HSPBP1: variants seen among roughly 807,000 people sequenced by gnomAD.
HSPBP1 encodes HSPA (Hsp70) binding protein 1.
Under a neutral mutation model 41.7 loss-of-function variants are expected in HSPBP1, and 31 were observed. The ratio of observed to expected loss-of-function variants is 0.74; its 90% confidence interval spans 0.56 to 1.00. HSPBP1 has a LOEUF of 1.00. Among genes scored for constraint, HSPBP1 ranks in the 50% least tolerant of loss-of-function variants. The pLI is 0.00. For missense variants in HSPBP1, 439 were observed against 487.9 expected (o/e 0.90, Z 0.94); for synonymous variants, 199 against 214.4 (o/e 0.93, Z 0.63).
chr19:55,271,359 C>A (rs2087919815), intron 4 of HSPBP1, among the ~76,000 whole-genome samples: 1 of 152,042 alleles, frequency 6.6e-6, no homozygotes, highest in Non-Finnish European at 1.5e-5. Flanking sequence ...CAGGTGTGAA[C>A]CACCAAGATG....
Position 55,266,147 on chromosome 19 carries a change from G to T in HSPBP1, c.780C>A (p.Gly260=). The T allele has an allele frequency of 6.2e-7, 1 of 1,600,514 alleles. No individual in the cohort carries two copies. Among genetic ancestry groups the T allele is most frequent in the Non-Finnish European group, 8.5e-7 (1 of 1,173,908 alleles). The change falls in exon 5 of 8, where the codon GGC becomes GGA. Residue 260 remains glycine, a synonymous_variant. Coordinates refer to ENST00000433386, the MANE Select transcript of HSPBP1 (RefSeq NM_012267.5). ...CTGCCACACCTTTGTGTTCAGGGTG[G>T]CCCACCAGCAGGTTCTGCAGCAGGA... is the stretch of plus-strand genomic sequence containing the variant. ...SAFLLQNLLV[G]HPEHKGTLCS...
chr19:55,266,405 A>G, intron 4 of HSPBP1, 119 bp from the exon 5 acceptor site: 2 of 992,954 alleles, frequency 2.0e-6, no homozygotes, highest in South Asian at 3.2e-5. Context: ...CACCATCACC[A>G]CTATCTTCAC....
chr19:55,263,085 G>A (rs1218848506), intron 7 of HSPBP1, among the ~76,000 whole-genome samples: 1 of 152,100 alleles, frequency 6.6e-6, no homozygotes, highest in Non-Finnish European at 1.5e-5. Context: ...AAGAAAACGA[G>A]GTTGGAGAAA....
intron 4 of HSPBP1, among the ~76,000 whole-genome samples, chr19:55,271,884 G>A (rs893666730): frequency 2.1e-4 from 32 of 152,060 alleles, no homozygotes; most frequent in African/African-American, 6.5e-4. Context: ...GTGAAACCCC[G>A]TCTCTCTGTA....
Position 55,265,261 on chromosome 19 carries a change from G to A in HSPBP1, c.1005+17C>T, listed in dbSNP as rs192659916. On this transcript the variant is annotated intron_variant, in intron 7 of 7. Transcript: ENST00000433386. ...TTGCACCTGGTCCTCCTTGCACCCC[G>A]TCCCCTCCCCATGTACCTGGTACTC... The A allele has an allele frequency of 1.9e-4, 284 of 1,507,200 alleles. No individual in the cohort carries two copies. The African/African-American group carries it at 2.6e-3, about 14-fold the overall frequency. 93.4% of individuals were successfully genotyped at this position (1,507,200 alleles called of 1,614,324 possible).
Position 55,272,704 on chromosome 19 carries a change from G to A in HSPBP1, c.640+1694C>T, listed in dbSNP as rs1159649629. Among the ~76,000 whole-genome samples the A allele has an allele frequency of 4.6e-5, 7 of 152,022 alleles. No individual in the cohort carries two copies. The highest frequency in any genetic ancestry group is 7.4e-5 in the Non-Finnish European group (5 of 67,996). Reference sequence around the variant, plus strand: ...AAAAATACAAAAATTAGCCGGGCGCGGTGGCGGGCGCCTGTAATCCCAGCT... The same window carrying A: ...AAAAATACAAAAATTAGCCGGGCGCAGTGGCGGGCGCCTGTAATCCCAGCT... On this transcript the variant is annotated intron_variant, in intron 4 of 7. Coordinates refer to ENST00000433386, the MANE Select transcript of HSPBP1 (RefSeq NM_012267.5). The surrounding 1 kb of genome is among the most constrained non-coding windows in gnomAD (Gnocchi z 4.2).
intron 5 of HSPBP1, 57 bp downstream of exon 5, chr19:55,266,074 G>C: frequency 1.3e-6 from 2 of 1,573,468 alleles, no homozygotes; most frequent in Middle Eastern, 1.9e-4. Flanking sequence ...TCCCACACCT[G>C]CACCCACCCC....
Position 55,268,863 on chromosome 19 carries a change from G to A in HSPBP1, c.641-2577C>T, listed in dbSNP as rs1157714086. ...TTTTGGTATTTTTAGTAGAGACAGG[G>A]TGTCACCATGTTGGCCAGGCTGGTC... On this transcript the variant is annotated intron_variant, in intron 4 of 7. Transcript: ENST00000433386. This position sits in a 1 kb window ranked among gnomAD's most constrained non-coding sequence, Gnocchi z 4.5. 6.6e-6 allele frequency among the ~76,000 whole-genome samples: 1 copy of A among 152,068 alleles called. No individual in the cohort carries two copies. The highest frequency in any genetic ancestry group is 2.4e-5 in the African/African-American group (1 of 41,398).
chr19:55,274,318 C>CTT lies in HSPBP1; in HGVS notation c.640+79_640+80insAA, dbSNP rs1352937438. 2.5e-6 allele frequency: 3 copies of CTT among 1,220,446 alleles called. No homozygotes were observed. In the African/African-American group the frequency reaches 4.5e-5, roughly 18 times the overall value. The allele number at this position is 1,220,446 out of a possible 1,614,324, so 75.6% of individuals were successfully genotyped here. A position where few individuals can be genotyped will look rare whatever the true frequency, so the allele number is the denominator to read the frequency against. ...AGGGAAGGAGATGCCTCTCCCTCTG[C>CTT]CCCAGCAGATCCCGGGGGCCCACCC... On this transcript the variant is annotated intron_variant, in intron 4 of 7. Coordinates refer to ENST00000433386, the MANE Select transcript of HSPBP1 (RefSeq NM_012267.5).
rs1471272724 is a variant in HSPBP1, at chr19:55,279,536, C to A, written c.73G>T (p.Gly25Trp). The A allele has an allele frequency of 5.6e-6, 9 of 1,611,326 alleles. No homozygotes were observed. Among genetic ancestry groups the A allele is most frequent in the Admixed American group, 1.7e-5 (1 of 59,872 alleles). Residue 25 changes from glycine (G) to tryptophan (W), a missense_variant, in exon 2 of 8, where the codon GGG becomes TGG. Transcript: ENST00000433386. ...LPPASQGCSS[G>W]GGGGGSSAGG... ...GCCGAGGAGCCGCCGCCGCCGCCCC[C>A]TGAAGAGCAACCCTGGGAGGCCGGG...
At position 55,262,551 on chromosome 19, in the gene HSPBP1, G is replaced by GA; in HGVS notation, c.*56dup. The GA allele has an allele frequency of 6.2e-7, 1 of 1,601,430 alleles. No homozygotes were observed. Reference sequence around the variant, plus strand: ...CTTGGGAGAGGGCCTTGTAGGTGGGGAGGGAGGCAAGAGGCCTGGGGTTCC... The same window carrying GA: ...CTTGGGAGAGGGCCTTGTAGGTGGGGAAGGGAGGCAAGAGGCCTGGGGTTCC... On this transcript the variant is annotated 3_prime_UTR_variant, in exon 8 of 8. Coordinates refer to ENST00000433386, the MANE Select transcript of HSPBP1 (RefSeq NM_012267.5).
intron 4 of HSPBP1, among the ~76,000 whole-genome samples, chr19:55,267,743 GCCACCGT>G (rs1753074035): frequency 1.3e-5 from 2 of 152,238 alleles, no homozygotes; most frequent in Non-Finnish European, 2.9e-5. Context: ...ACAGGCGTGA[GCCACCGT>G]CCCCAGTCCG....
intron 3 of HSPBP1, among the ~76,000 whole-genome samples, chr19:55,275,120 A>G (rs925880954): frequency 6.6e-6 from 1 of 152,132 alleles, no homozygotes; most frequent in Non-Finnish European, 1.5e-5. Context: ...AGGTCCCCCC[A>G]AGGCTAGTAC....
At position 55,268,135 on chromosome 19, in the gene HSPBP1, T is replaced by C. The variant is rs1022906447; in HGVS notation, c.641-1849A>G. Among the ~76,000 whole-genome samples the C allele has an allele frequency of 1.3e-5, 2 of 152,172 alleles. No homozygotes were observed. Among genetic ancestry groups the C allele is most frequent in the Non-Finnish European group, 2.9e-5 (2 of 68,034 alleles). On this transcript the variant is annotated intron_variant, in intron 4 of 7. Coordinates refer to ENST00000433386, the MANE Select transcript of HSPBP1 (RefSeq NM_012267.5). The surrounding 1 kb of genome is among the most constrained non-coding windows in gnomAD (Gnocchi z 4.5). ...CTGAAGCAGTGTAAAATATTTTCCA[T>C]TAAACACAACGTTGGCTGGGCGCGG...
intron 3 of HSPBP1, among the ~76,000 whole-genome samples, chr19:55,277,198 T>C (rs187334411): frequency 6.6e-5 from 10 of 152,300 alleles, no homozygotes; most frequent in Non-Finnish European, 1.3e-4. Context: ...CTCAAGGGCC[T>C]GGCTGCTGTT....
At position 55,262,265 on chromosome 19, in the gene HSPBP1, C is replaced by G. The variant is rs2087665116; in HGVS notation, c.*343G>C. On this transcript the variant is annotated 3_prime_UTR_variant, in exon 8 of 8. Coordinates refer to ENST00000433386, the MANE Select transcript of HSPBP1 (RefSeq NM_012267.5). The stretch of plus-strand genomic sequence containing the variant: ...CACTTTTATTATTCTTCCAGTGGCT[C>G]CCCAAGTCCCTTAAACCCGTGCCCC... 1.5e-6 allele frequency: 1 copy of G among 658,596 alleles called. No individual in the cohort carries two copies. Among genetic ancestry groups the G allele is most frequent in the Non-Finnish European group, 2.0e-6 (1 of 510,016 alleles). 40.8% of individuals were successfully genotyped at this position (658,596 alleles called of 1,614,324 possible).
intron 4 of HSPBP1, among the ~76,000 whole-genome samples, chr19:55,273,590 A>T (rs1207230990): frequency 2.0e-5 from 3 of 152,042 alleles, no homozygotes; most frequent in Non-Finnish European, 4.4e-5. Context: ...TGCCCCACAG[A>T]TGTTGGTTTT....
At chr19:55,267,659 C>G (rs1005365140) in intron 4 of HSPBP1, among the ~76,000 whole-genome samples, 2 of 152,018 alleles carry the variant, frequency 1.3e-5, no homozygotes, top group Non-Finnish European at 2.9e-5. Flanking sequence ...CAGGGTTTTG[C>G]CATGTTGGCC....
chr19:55,266,188 T>C lies in HSPBP1; in HGVS notation c.739A>G (p.Lys247Glu). The stretch of plus-strand genomic sequence containing the variant: ...TGCAGCAGGAATGCTGATTTGACCT[T>C]GAGCTTCTGCACCTGCTGCTGCATG... Reference protein sequence around the residue: ...RAMQQQVQKLKVKSAFLLQNL... With the variant: ...RAMQQQVQKLEVKSAFLLQNL... Residue 247 changes from lysine to glutamate, a missense_variant, in exon 5 of 8, where the codon AAG becomes GAG. Transcript: ENST00000433386. 6.3e-7 allele frequency: 1 copy of C among 1,589,316 alleles called. No individual in the cohort carries two copies.
Sources: gnomAD v4.1 joint callset for allele counts (sites outside exome capture counted in the v4.1 genomes callset) on GRCh38, gnomAD v4.1.1 for gene constraint, Gnocchi (gnomAD v3.1) non-coding constraint, MANE v1.5 for transcripts, NCBI Gene and HGNC (gene_info 2026-07-23, HGNC 2026-07-21) for gene names.